Variants in CFAP299 observed in about 807,000 individuals in gnomAD.
CFAP299 encodes the protein cilia- and flagella-associated protein 299.
A neutral mutation model predicts 27.0 loss-of-function variants in CFAP299; 21 were observed. The observed-to-expected ratio is 0.78, with a 90% CI of 0.55 to 1.12. CFAP299 has a LOEUF of 1.12. Ranked by LOEUF, CFAP299 falls within the 50% of genes most tolerant of loss-of-function variation. The pLI is 0.00. For missense variants in CFAP299, 310 were observed against 276.6 expected, an observed-to-expected ratio of 1.12 and a Z score of -0.86; for synonymous variants, 104 against 98.1, an observed-to-expected ratio of 1.06 and a Z score of -0.36.
At chr4:80,412,623 A>G (rs907492278) in intron 2 of CFAP299, among the ~76,000 whole-genome samples, 4 of 152,222 alleles carry the variant, frequency 2.6e-5, no homozygotes, top group African/African-American at 9.6e-5. Flanking sequence ...AGACATGGGC[A>G]TAGACAATGT....
chr4:80,952,964 C>T (rs968332437), intron 5 of CFAP299, among the ~76,000 whole-genome samples: 8 of 152,152 alleles, frequency 5.3e-5, no homozygotes, highest in African/African-American at 9.7e-5. Flanking sequence ...AACATTTCTA[C>T]GTCCTATATG....
chr4:80,324,016 C>T, the CFAP299 span, among the ~76,000 whole-genome samples: 3 of 152,060 alleles, frequency 2.0e-5, no homozygotes, highest in South Asian at 2.1e-4. Context: ...ATGTGCAGAA[C>T]GTGCAGGTTT....
chr4:80,415,774 T>C (rs1726970922), intron 2 of CFAP299, among the ~76,000 whole-genome samples: 1 of 152,172 alleles, frequency 6.6e-6, no homozygotes, highest in African/African-American at 2.4e-5. Context: ...ATGTGTTATA[T>C]TATAGGGAAT....
chr4:80,473,204 A>T (rs1730096121), intron 2 of CFAP299, among the ~76,000 whole-genome samples: 1 of 152,136 alleles, frequency 6.6e-6, no homozygotes. Flanking sequence ...GAAAGCCTGC[A>T]TAGAGGGGGA....
intron 2 of CFAP299, among the ~76,000 whole-genome samples, chr4:80,367,860 A>G (rs1470095786): frequency 1.3e-5 from 2 of 152,160 alleles, no homozygotes; most frequent in Non-Finnish European, 2.9e-5. Context: ...ATTTCTATTT[A>G]TAGTGAGAAG....
At chr4:80,565,665 T>C (rs998119834) in intron 2 of CFAP299, among the ~76,000 whole-genome samples, 18 of 152,028 alleles carry the variant, frequency 1.2e-4, no homozygotes, top group African/African-American at 3.9e-4. Context: ...TATTTAAAAA[T>C]GACCTTTTGC....
chr4:80,430,896 C>T (rs1416172317), intron 2 of CFAP299, among the ~76,000 whole-genome samples: 2 of 152,218 alleles, frequency 1.3e-5, no homozygotes, highest in African/African-American at 4.8e-5. Flanking sequence ...CTTTGGTCCT[C>T]CAGATGTTGT....
At chr4:80,357,998 C>T (rs1226547535) in intron 1 of CFAP299, among the ~76,000 whole-genome samples, 1 of 152,108 alleles carries the variant, frequency 6.6e-6, no homozygotes, top group East Asian at 1.9e-4. Flanking sequence ...TCCCTCTTGA[C>T]ACTGTCTTAG....
chr4:80,776,118 A>C (rs769541934), intron 3 of CFAP299, among the ~76,000 whole-genome samples: 6 of 152,266 alleles, frequency 3.9e-5, no homozygotes, highest in East Asian at 1.9e-4. Context: ...GAAATGCTGC[A>C]AGGTAATAGA....
chr4:80,800,614 T>C (rs1728500195), intron 3 of CFAP299, among the ~76,000 whole-genome samples: 1 of 101,086 alleles, frequency 9.9e-6, no homozygotes, highest in Non-Finnish European at 1.8e-5. Flanking sequence ...AAATATATAA[T>C]ATATAATATA....
At position 80,870,116 on chromosome 4, in the gene CFAP299, C is replaced by G. The variant is rs1409182810; in HGVS notation, c.457C>G (p.Pro153Ala). The change falls in exon 4 of 6, where the codon CCA (proline) becomes GCA (alanine). Residue 153 changes from proline (P) to alanine (A), a missense_variant. Transcript: ENST00000358105. ...VYFTGKKRLL[P>A]RPTDISFYNW... Reference sequence around the variant, plus strand: ...CTTTACTGGAAAAAAAAGACTTCTTCCAAGGCCTACAGATATAAGGTAAAT... The same window carrying G: ...CTTTACTGGAAAAAAAAGACTTCTTGCAAGGCCTACAGATATAAGGTAAAT... 1 of 1,612,072 alleles carries G rather than the reference C, an allele frequency of 6.2e-7. No individual in the cohort carries two copies. Among genetic ancestry groups the G allele is most frequent in the East Asian group, 2.2e-5 (1 of 44,838 alleles).
intron 2 of CFAP299, among the ~76,000 whole-genome samples, chr4:80,480,639 AT>A (rs1163425769): frequency 2.6e-5 from 4 of 151,970 alleles, no homozygotes; most frequent in Non-Finnish European, 5.9e-5. Context: ...CTGCTCAGAG[AT>A]TTTTTAGGCC....
At chr4:80,598,326 T>A (rs1336353421) in intron 3 of CFAP299, among the ~76,000 whole-genome samples, 1 of 152,218 alleles carries the variant, frequency 6.6e-6, no homozygotes, top group East Asian at 1.9e-4. Flanking sequence ...ACCTGAATAC[T>A]ACTTTTAGAA....
At chr4:80,876,245 C>T (rs943556313) in intron 4 of CFAP299, among the ~76,000 whole-genome samples, 4 of 151,576 alleles carry the variant, frequency 2.6e-5, no homozygotes, top group African/African-American at 9.7e-5. Flanking sequence ...TGTCACCACC[C>T]AAATCTCATC....
intron 3 of CFAP299, among the ~76,000 whole-genome samples, chr4:80,833,812 T>A (rs1030501163): frequency 6.6e-6 from 1 of 152,194 alleles, no homozygotes; most frequent in African/African-American, 2.4e-5. Flanking sequence ...TGGTGGTGGA[T>A]CTCTTTAGCA....
At chr4:80,831,463 C>T (rs549933168) in intron 3 of CFAP299, among the ~76,000 whole-genome samples, 45 of 152,156 alleles carry the variant, frequency 3.0e-4, no homozygotes, top group African/African-American at 1.1e-3. Flanking sequence ...CCAACGAGGC[C>T]AATCCTATGA....
chr4:80,516,235 G>C (rs1158693280), intron 2 of CFAP299, among the ~76,000 whole-genome samples: 3 of 151,788 alleles, frequency 2.0e-5, no homozygotes, highest in African/African-American at 7.3e-5. Flanking sequence ...TGGTCAGGTT[G>C]GTCTCGAACT....
At chr4:80,818,000 C>A (rs929071445) in intron 3 of CFAP299, among the ~76,000 whole-genome samples, 4 of 152,098 alleles carry the variant, frequency 2.6e-5, no homozygotes, top group African/African-American at 9.7e-5. Context: ...TCTTCCCCAA[C>A]CCCCTGCCTC....
At chr4:80,963,381 A>G (rs985486829) in intron 5 of CFAP299, 136 bp from the exon 6 acceptor site, 1 of 609,594 alleles carries the variant, frequency 1.6e-6, no homozygotes, top group African/African-American at 1.9e-5. Context: ...TAGGGGGAAA[A>G]CATGTATATA....
Sources: allele counts gnomAD v4.1 joint callset (sites outside exome capture counted in the v4.1 genomes callset), GRCh38; gene constraint gnomAD v4.1.1; transcripts MANE v1.5; gene names NCBI Gene and HGNC (gene_info 2026-07-23, HGNC 2026-07-21).